The following UGT1A10 variants were observed in gnomAD, a reference collection of about 807,000 sequenced individuals.
The protein encoded by UGT1A10 is UDP glucuronosyltransferase family 1 member A10, also known as UDP-glucuronosyltransferase 1A10.
Under a neutral mutation model 45.8 loss-of-function variants are expected in UGT1A10, and 49 were observed. The observed-to-expected ratio is 1.07, with a 90% CI of 0.85 to 1.36. UGT1A10 has a LOEUF of 1.36. UGT1A10 is among the 40% of genes most tolerant of loss of function. The probability of loss-of-function intolerance (pLI) is 0.00; values close to 1 mark genes in which losing one functional copy is unlikely to be tolerated. For synonymous variants in UGT1A10, 284 were observed against 249.7 expected, an observed-to-expected ratio of 1.14 and a Z score of -1.29; for missense variants, 745 against 668.6, an observed-to-expected ratio of 1.11 and a Z score of -1.26.
intron 1 of UGT1A10, chr2:233,672,926 C>A: frequency 1.4e-6 from 2 of 1,477,468 alleles, no homozygotes; most frequent in Non-Finnish European, 1.8e-6. Context: ...TTATTTTGTG[C>A]CAATGCGTGT....
At chr2:233,704,065 A>AT (rs1378377805) in intron 1 of UGT1A10, among the ~76,000 whole-genome samples, 22 of 151,732 alleles carry the variant, frequency 1.4e-4, no homozygotes, top group African/African-American at 5.1e-4. Flanking sequence ...TAATTTTTGT[A>AT]TTTTTTATAG....
At chr2:233,771,027 G>A (rs186703216) in intron 4 of UGT1A10, 2 of 152,078 alleles carry the variant, frequency 1.3e-5, no homozygotes, top group Admixed American at 6.6e-5. Context: ...GAGAGAGTTG[G>A]GGGGGAAGGT....
rs34459843 is a variant in UGT1A10, at chr2:233,690,776, TACACACACACAC to T, written c.855+53412_855+53423del. On this transcript the variant is annotated intron_variant, in intron 1 of 4. Coordinates refer to ENST00000344644, the MANE Select transcript of UGT1A10 (RefSeq NM_019075.4). ...GTGCAGACATACACACACACACACA[TACACACACACAC>T]ACACACACACACCATTCTTAGTACA... The T allele has an allele frequency of 9.2e-4, 975 of 1,063,530 alleles. 12 individuals are homozygous for T. The African/African-American group carries it at 0.016, about 17-fold the overall frequency. 65.9% of individuals were successfully genotyped at this position (1,063,530 alleles called of 1,614,324 possible).
intron 1 of UGT1A10, chr2:233,713,823 G>A (rs2076349507): frequency 1.9e-6 from 3 of 1,613,920 alleles, no homozygotes; most frequent in African/African-American, 1.3e-5. Flanking sequence ...CTTCATTGGG[G>A]GCATCAACTG....
At chr2:233,676,181 C>T (rs538707807) in intron 1 of UGT1A10, among the ~76,000 whole-genome samples, 1 of 152,264 alleles carries the variant, frequency 6.6e-6, no homozygotes, top group East Asian at 1.9e-4. Context: ...AATCATCCAG[C>T]CACCTCCCAC....
At chr2:233,648,804 C>T (rs1178200100) in intron 1 of UGT1A10, 1 of 959,244 alleles carries the variant, frequency 1.0e-6, no homozygotes, top group African/African-American at 1.6e-5. Context: ...GGAACCACAT[C>T]TTCTACTTAG....
intron 1 of UGT1A10, among the ~76,000 whole-genome samples, chr2:233,677,329 A>G (rs1250093845): frequency 4.6e-5 from 7 of 152,118 alleles, no homozygotes; most frequent in African/African-American, 1.7e-4. Context: ...CATTGCTAGT[A>G]TAGTTGACCC....
intron 1 of UGT1A10, chr2:233,760,342 G>C (rs2125982896): frequency 6.2e-7 from 1 of 1,614,102 alleles, no homozygotes; most frequent in East Asian, 2.2e-5. Flanking sequence ...GCTGCTGTGT[G>C]TGCTGGGCCC....
At chr2:233,686,292 G>A (rs1306668848) in intron 1 of UGT1A10, among the ~76,000 whole-genome samples, 1 of 151,296 alleles carries the variant, frequency 6.6e-6, no homozygotes, top group African/African-American at 2.4e-5. Flanking sequence ...ACTAAAACAA[G>A]AAAAACAAGA....
intron 1 of UGT1A10, among the ~76,000 whole-genome samples, chr2:233,674,850 A>C (rs1392217876): frequency 6.6e-6 from 1 of 152,154 alleles, no homozygotes; most frequent in Non-Finnish European, 1.5e-5. Context: ...CCAACCACAG[A>C]AGTAAATTGT....
chr2:233,681,129 G>T (rs1682308807), intron 1 of UGT1A10, among the ~76,000 whole-genome samples: 1 of 151,676 alleles, frequency 6.6e-6, no homozygotes, highest in South Asian at 2.1e-4. Context: ...CAGAGACACA[G>T]GTGAGCCGCA....
chr2:233,713,100 G>A (rs528791114), intron 1 of UGT1A10: 8 of 1,614,218 alleles, frequency 5.0e-6, no homozygotes, highest in Non-Finnish European at 5.9e-6. Flanking sequence ...GGTGCCCACT[G>A]ATGGCAGCCA....
intron 1 of UGT1A10, among the ~76,000 whole-genome samples, chr2:233,724,399 C>T (rs1329746304): frequency 1.5e-4 from 22 of 142,970 alleles, no homozygotes; most frequent in African/African-American, 5.2e-4. Flanking sequence ...CCTCACTTCC[C>T]AGATGGGGTG....
chr2:233,733,606 A>G (rs921303944), intron 1 of UGT1A10, among the ~76,000 whole-genome samples: 5 of 152,192 alleles, frequency 3.3e-5, no homozygotes, highest in African/African-American at 1.2e-4. Context: ...GATGGATTAC[A>G]TTTATTGATT....
chr2:233,767,131 C>T lies in UGT1A10; in HGVS notation c.953C>T (p.Ala318Val). The change falls in exon 2 of 5, where the codon GCA becomes GTA. Residue 318 changes from alanine to valine, a missense_variant. Coordinates refer to ENST00000344644, the MANE Select transcript of UGT1A10 (RefSeq NM_019075.4). ...VSEIPEKKAM[A>V]IADALGKIPQ... The stretch of plus-strand genomic sequence containing the variant: ...GAAATTCCAGAGAAGAAAGCTATGG[C>T]AATTGCTGATGCTTTGGGCAAAATC... 1 of 1,614,090 alleles carries T rather than the reference C, an allele frequency of 6.2e-7. No individual in the cohort carries two copies. The highest frequency in any genetic ancestry group is 8.5e-7 in the Non-Finnish European group (1 of 1,180,014).
chr2:233,648,951 G>C, intron 1 of UGT1A10: 1 of 1,437,844 alleles, frequency 7.0e-7, no homozygotes, highest in South Asian at 1.1e-5. Context: ...TTGTTTTGGA[G>C]TATCCCAAAC....
chr2:233,660,386 T>C (rs751395692), intron 1 of UGT1A10, among the ~76,000 whole-genome samples: 2 of 152,194 alleles, frequency 1.3e-5, no homozygotes, highest in African/African-American at 2.4e-5. Context: ...TCCTTTTGTG[T>C]TGAATTCATG....
At chr2:233,689,293 C>T (rs1488483516) in intron 1 of UGT1A10, among the ~76,000 whole-genome samples, 5 of 151,458 alleles carry the variant, frequency 3.3e-5, no homozygotes, top group South Asian at 2.1e-4. Flanking sequence ...GGGGTTCACT[C>T]ACCCAGCACA....
chr2:233,658,931 C>T, intron 1 of UGT1A10, among the ~76,000 whole-genome samples: 1 of 151,844 alleles, frequency 6.6e-6, no homozygotes, highest in South Asian at 2.1e-4. Flanking sequence ...TGTAGGTTTT[C>T]TACATTTCTG....
Sources: allele counts gnomAD v4.1 joint callset (sites outside exome capture counted in the v4.1 genomes callset), GRCh38; gene constraint gnomAD v4.1.1; transcripts MANE v1.5; gene names NCBI Gene and HGNC (gene_info 2026-07-23, HGNC 2026-07-21).